RPS6KC1: variants seen among roughly 807,000 people sequenced by gnomAD.
RPS6KC1 encodes the protein inactive ribosomal protein S6 kinase delta-1.
RPS6KC1 carries 54 observed loss-of-function variants against 103.8 expected under a neutral mutation model. The ratio of observed to expected loss-of-function variants is 0.52; its 90% CI spans 0.42 to 0.65. The LOEUF is 0.65. Ranked by LOEUF, RPS6KC1 falls within the 30% of genes least tolerant of loss-of-function variation. The pLI, the probability that RPS6KC1 is intolerant of heterozygous loss-of-function variation, is 0.00. For missense variants in RPS6KC1, 1,151 were observed against 1,253.8 expected, an observed-to-expected ratio of 0.92 and a Z score of 1.24; for synonymous variants, 439 against 438.7, an observed-to-expected ratio of 1.00 and a Z score of -0.01.
the RPS6KC1 span, among the ~76,000 whole-genome samples, chr1:213,334,267 C>A: frequency 1.3e-5 from 2 of 152,156 alleles, no homozygotes; most frequent in African/African-American, 4.8e-5. Flanking sequence ...TAGCTTCCCC[C>A]AGGACATACA....
At chr1:213,371,101 C>T in the RPS6KC1 span, among the ~76,000 whole-genome samples, 1 of 152,150 alleles carries the variant, frequency 6.6e-6, no homozygotes, top group Non-Finnish European at 1.5e-5. Context: ...TAAACAACAA[C>T]TCCCCCTTGC....
intron 8 of RPS6KC1, among the ~76,000 whole-genome samples, chr1:213,218,638 A>G (rs1211449640): frequency 6.6e-6 from 1 of 152,212 alleles, no homozygotes; most frequent in Non-Finnish European, 1.5e-5. Context: ...AGGCTACAAT[A>G]ACCAAAACAG....
chr1:213,378,675 T>C, the RPS6KC1 span, among the ~76,000 whole-genome samples: 1 of 152,258 alleles, frequency 6.6e-6, no homozygotes, highest in Non-Finnish European at 1.5e-5. Flanking sequence ...TATCCATATT[T>C]ATTCATTCGT....
chr1:213,583,123 C>T, the RPS6KC1 span, among the ~76,000 whole-genome samples: 5 of 152,264 alleles, frequency 3.3e-5, no homozygotes, highest in South Asian at 6.2e-4. Flanking sequence ...AGTAGTATTC[C>T]GATGCGTGGA....
the RPS6KC1 span, among the ~76,000 whole-genome samples, chr1:213,610,281 G>T: frequency 6.6e-6 from 1 of 152,092 alleles, no homozygotes; most frequent in Non-Finnish European, 1.5e-5. Context: ...ATGTGCTTTC[G>T]AAGGCCTGAA....
chr1:213,692,437 G>C, the RPS6KC1 span, among the ~76,000 whole-genome samples: 1 of 151,566 alleles, frequency 6.6e-6, no homozygotes, highest in Non-Finnish European at 1.5e-5. Flanking sequence ...TGAAAGTAAA[G>C]TACACTTGGA....
At chr1:213,136,029 G>A (rs1217767255) in intron 6 of RPS6KC1, among the ~76,000 whole-genome samples, 1 of 152,216 alleles carries the variant, frequency 6.6e-6, no homozygotes, top group Non-Finnish European at 1.5e-5. Context: ...CTGAAAAAGA[G>A]TGTTTTATTC....
At chr1:213,638,803 T>C in the RPS6KC1 span, among the ~76,000 whole-genome samples, 639 of 152,228 alleles carry the variant, frequency 4.2e-3, 5 homozygotes, top group Middle Eastern at 0.024. Context: ...TCTTCAACTT[T>C]ATTCTTTTCC....
chr1:213,107,400 C>T (rs953710140), intron 4 of RPS6KC1, among the ~76,000 whole-genome samples: 5 of 152,138 alleles, frequency 3.3e-5, no homozygotes, highest in African/African-American at 4.8e-5. Flanking sequence ...ATATATGTAG[C>T]GTTTTGTTCA....
intron 12 of RPS6KC1, among the ~76,000 whole-genome samples, chr1:213,248,645 T>G (rs898846935): frequency 3.3e-5 from 5 of 152,116 alleles, no homozygotes; most frequent in African/African-American, 1.2e-4. Context: ...CAAAGAAGAT[T>G]AAAGGATCAC....
At chr1:213,310,666 T>A in the RPS6KC1 span, among the ~76,000 whole-genome samples, 1 of 152,274 alleles carries the variant, frequency 6.6e-6, no homozygotes, top group Non-Finnish European at 1.5e-5. Context: ...GTAGGCATTG[T>A]ATCTCTTTTG....
chr1:213,232,575 C>T (rs1380632708), intron 10 of RPS6KC1, among the ~76,000 whole-genome samples: 5 of 152,050 alleles, frequency 3.3e-5, no homozygotes, highest in African/African-American at 4.8e-5. Context: ...GTATTTTGTT[C>T]GCTTGTTCCC....
At chr1:213,669,566 A>G in the RPS6KC1 span, among the ~76,000 whole-genome samples, 1 of 152,212 alleles carries the variant, frequency 6.6e-6, no homozygotes, top group Non-Finnish European at 1.5e-5. Context: ...CAGAGGCACA[A>G]AGTGAGCACA....
chr1:213,364,196 A>T, the RPS6KC1 span, among the ~76,000 whole-genome samples: 4,693 of 152,256 alleles, frequency 0.031, 254 homozygotes, highest in African/African-American at 0.11. Flanking sequence ...ATTTACAAAA[A>T]CAGGCAGTGG....
the RPS6KC1 span, among the ~76,000 whole-genome samples, chr1:213,806,061 G>C: frequency 2.6e-5 from 4 of 152,200 alleles, no homozygotes; most frequent in Admixed American, 6.5e-5. Context: ...GGCCAGGCAT[G>C]GCGGCTCATG....
At chr1:213,298,764 T>TGGG in the RPS6KC1 span, among the ~76,000 whole-genome samples, 1 of 152,226 alleles carries the variant, frequency 6.6e-6, no homozygotes, top group Non-Finnish European at 1.5e-5. Context: ...TGTTTTATAA[T>TGGG]GTAATTTTTT....
the RPS6KC1 span, among the ~76,000 whole-genome samples, chr1:213,593,509 G>C: frequency 6.6e-6 from 1 of 152,200 alleles, no homozygotes; most frequent in Non-Finnish European, 1.5e-5. Flanking sequence ...ACACATAAAA[G>C]TAGTTCAGAT....
the RPS6KC1 span, among the ~76,000 whole-genome samples, chr1:213,645,462 C>A: frequency 2.6e-5 from 4 of 152,152 alleles, no homozygotes; most frequent in Non-Finnish European, 5.9e-5. Flanking sequence ...AACAAGAATG[C>A]GTATGTAAAG....
chr1:213,603,343 C>T, the RPS6KC1 span, among the ~76,000 whole-genome samples: 2 of 152,184 alleles, frequency 1.3e-5, no homozygotes, highest in Non-Finnish European at 2.9e-5. Context: ...CCCAAAGCTT[C>T]AGAGGTACTT....
Sources: gnomAD v4.1 joint callset for allele counts (sites outside exome capture counted in the v4.1 genomes callset) on GRCh38, gnomAD v4.1.1 for gene constraint, MANE v1.5 for transcripts, NCBI Gene and HGNC (gene_info 2026-07-23, HGNC 2026-07-21) for gene names.